ZNF43: variants seen among roughly 807,000 people sequenced by gnomAD.
ZNF43 encodes the protein zinc finger protein 43.
Under a neutral mutation model 68.4 loss-of-function variants are expected in ZNF43, and 44 were observed. That is an observed-to-expected ratio of 0.64 (90% CI 0.51 to 0.83). The LOEUF (loss-of-function observed/expected upper bound fraction) is 0.83. Among genes scored for constraint, ZNF43 ranks in the 40% least tolerant of loss-of-function variants. The pLI is 0.00. For missense variants in ZNF43, 896 were observed against 933.2 expected (o/e 0.96, Z 0.52); for synonymous variants, 308 against 307.8 (o/e 1.00, Z -0.01).
At chr19:21,842,401 C>G (rs1967604037) in intron 1 of ZNF43, among the ~76,000 whole-genome samples, 1 of 124,108 alleles carries the variant, frequency 8.1e-6, no homozygotes, top group South Asian at 2.4e-4. Flanking sequence ...AAGTGAGACT[C>G]CATCTCAAAA....
upstream of ZNF43, among the ~76,000 whole-genome samples, chr19:21,836,658 C>G (rs2038755492): frequency 6.6e-6 from 1 of 152,170 alleles, no homozygotes; most frequent in African/African-American, 2.4e-5. Flanking sequence ...GACTGCAGCT[C>G]ACTGCAGCCT....
intron 1 of ZNF43, among the ~76,000 whole-genome samples, chr19:21,832,371 A>G (rs1399410675): frequency 3.9e-5 from 6 of 152,132 alleles, no homozygotes; most frequent in Non-Finnish European, 8.8e-5. Context: ...CATATACAAA[A>G]ATCAACTCAA....
chr19:21,808,334 C>T lies in ZNF43; in HGVS notation c.1703G>A (p.Cys568Tyr), dbSNP rs1321771148. The change falls in exon 4 of 4, where the codon TGT becomes TAT. Residue 568 changes from cysteine to tyrosine, a missense_variant. By Grantham distance (194) the Cys-to-Tyr change is radical. Transcript: ENST00000354959. ...RIHTGEKPYKCEECGKAFTQS... is the reference protein window; with the variant it reads ...RIHTGEKPYKYEECGKAFTQS... The stretch of plus-strand genomic sequence containing the variant: ...GGTAAAAGCTTTGCCACATTCTTCA[C>T]ACTTGTAGGGTTTCTCTCCAGTATG... The T allele has an allele frequency of 1.2e-5, 20 of 1,613,142 alleles. No individual in the cohort carries two copies. The highest frequency in any genetic ancestry group is 1.6e-5 in the Non-Finnish European group (19 of 1,179,848).
Position 21,832,394 on chromosome 19 carries a change from T to C in ZNF43, c.3+3642A>G, listed in dbSNP as rs200418694. Among the ~76,000 whole-genome samples the C allele has an allele frequency of 2.4e-3, 365 of 152,246 alleles. 9 individuals are homozygous for C. In the East Asian group the frequency reaches 0.059, roughly 25 times the overall value. ...AAAATCAACTCAAAGTGAATTAAAG[T>C]CTTAAACTTAAAATGTAAAATTATT... On this transcript the variant is annotated intron_variant, in intron 1 of 3. Transcript: ENST00000354959.
chr19:21,848,483 A>G (rs1293880406), intron 1 of ZNF43, among the ~76,000 whole-genome samples: 1 of 152,166 alleles, frequency 6.6e-6, no homozygotes, highest in Non-Finnish European at 1.5e-5. Flanking sequence ...TTGTGCCATA[A>G]TATGGCACAA....
rs559230925 is a variant in ZNF43, at chr19:21,807,700, T to C, written c.2337A>G (p.Thr779=). Residue 779 remains threonine (T), a synonymous_variant, in exon 4 of 4, where the codon ACA becomes ACG. Coordinates refer to ENST00000354959, the MANE Select transcript of ZNF43 (RefSeq NM_003423.4). The part of the protein sequence containing the change: ...KAFNQYSNLT[T]HNKIHTGEKL... ...TCTCTCCAGTATGAATTTTGTTATG[T>C]GTAGTAAGGTTTGAATATTGGTTGA... 9.6e-5 allele frequency: 155 copies of C among 1,612,962 alleles called. No individual in the cohort carries two copies. In the Admixed American group the frequency reaches 2.3e-3, roughly 24 times the overall value.
At position 21,804,993 on chromosome 19, in the gene ZNF43, A is replaced by G. The variant is rs999564237; in HGVS notation, c.*2614T>C. ...ATGGACTTTATTTATACTTCTATAT[A>G]ATTTTTATAATTAAAATGACCCTGT... is the stretch of plus-strand genomic sequence containing the variant. On this transcript the variant is annotated 3_prime_UTR_variant, in exon 4 of 4. Transcript: ENST00000354959. 5.3e-5 allele frequency: 8 copies of G among 152,184 alleles called. No individual in the cohort carries two copies. The highest frequency in any genetic ancestry group is 1.9e-4 in the African/African-American group (8 of 41,446). 9.4% of individuals were successfully genotyped at this position (152,184 alleles called of 1,614,324 possible).
chr19:21,821,208 G>T (rs1381034738), intron 1 of ZNF43, among the ~76,000 whole-genome samples: 2 of 145,150 alleles, frequency 1.4e-5, no homozygotes, highest in East Asian at 2.1e-4. Context: ...GCGGTGGCGC[G>T]AATCTCCGCT....
intron 1 of ZNF43, chr19:21,827,013 A>G (rs2038165532): frequency 6.6e-6 from 1 of 152,538 alleles, no homozygotes; most frequent in Non-Finnish European, 1.5e-5. Flanking sequence ...AGAAAAAAAA[A>G]AAGAAGTTCA....
At chr19:21,820,943 C>T (rs1385223158) in intron 1 of ZNF43, among the ~76,000 whole-genome samples, 1 of 150,546 alleles carries the variant, frequency 6.6e-6, no homozygotes, top group Non-Finnish European at 1.5e-5. Context: ...AAGCAATTCT[C>T]CTGCCTCAGC....
At position 21,807,902 on chromosome 19, in the gene ZNF43, C is replaced by A; in HGVS notation, c.2135G>T (p.Gly712Val). The change falls in exon 4 of 4, where the codon GGC (glycine) becomes GTC (valine). Residue 712 changes from glycine to valine, a missense_variant. Transcript: ENST00000354959. ...GTTTGAGGATCGGTTAAAAGCTTTG[C>A]CACATTTTTCACATTTGTAGGGTTT... is the stretch of plus-strand genomic sequence containing the variant. ...GEKPYKCEKC[G>V]KAFNRSSNLI... 1 of 1,612,928 alleles carries A rather than the reference C, an allele frequency of 6.2e-7. No homozygotes were observed. Among genetic ancestry groups the A allele is most frequent in the Non-Finnish European group, 8.5e-7 (1 of 1,179,722 alleles).
At position 21,819,172 on chromosome 19, in the gene ZNF43, C is replaced by T. The variant is rs1568360345; in HGVS notation, c.53G>A (p.Trp18Ter). The T allele has an allele frequency of 6.2e-7, 1 of 1,608,522 alleles. No homozygotes were observed. Among genetic ancestry groups the T allele is most frequent in the East Asian group, 2.2e-5 (1 of 44,726 alleles). ...CTGCTGTGCAATGTCCAGGCATTGCCACTCCTCCAGACAGAATTCTATGGC... is the reference window on the plus strand; with the variant it reads ...CTGCTGTGCAATGTCCAGGCATTGCTACTCCTCCAGACAGAATTCTATGGC... ...DVAIEFCLEE[W>*]QCLDIAQQNL... Residue 18 changes from tryptophan to a stop codon, truncating the protein, a stop_gained, in exon 2 of 4, where the codon TGG (tryptophan) becomes TAG (stop). Transcript: ENST00000354959. LOFTEE classifies it high-confidence loss of function.
intron 3 of ZNF43, chr19:21,812,039 A>T: frequency 2.5e-6 from 1 of 398,622 alleles, no homozygotes; most frequent in Non-Finnish European, 4.4e-6. Context: ...AAAACATTCA[A>T]TAGAGAGACA....
upstream of ZNF43, chr19:21,836,194 C>T (rs2038725976): frequency 3.9e-6 from 6 of 1,519,368 alleles, no homozygotes; most frequent in Non-Finnish European, 4.4e-6. Flanking sequence ...AAGGCCCCGC[C>T]ACATCCCGGA....
intron 1 of ZNF43, among the ~76,000 whole-genome samples, chr19:21,822,925 T>C (rs1400183269): frequency 6.6e-6 from 1 of 152,240 alleles, no homozygotes; most frequent in Non-Finnish European, 1.5e-5. Flanking sequence ...TAATCTTTTT[T>C]AGCCGCTGCC....
At chr19:21,815,416 C>T (rs1185899057) in intron 3 of ZNF43, among the ~76,000 whole-genome samples, 1 of 149,584 alleles carries the variant, frequency 6.7e-6, no homozygotes, top group Admixed American at 6.7e-5. Flanking sequence ...TAAGTAGATG[C>T]TATACTTACA....
exon 1 of ZNF43, chr19:21,852,018 A>G: frequency 6.8e-7 from 1 of 1,464,712 alleles, no homozygotes; most frequent in Non-Finnish European, 9.2e-7. Flanking sequence ...GAGTTGGAGA[A>G]CGCGGAAAAG....
At chr19:21,824,981 A>G (rs1013297621) in intron 1 of ZNF43, among the ~76,000 whole-genome samples, 1 of 152,148 alleles carries the variant, frequency 6.6e-6, no homozygotes, top group Non-Finnish European at 1.5e-5. Context: ...CATGCCTGTA[A>G]TCCTAGAACT....
upstream of ZNF43, among the ~76,000 whole-genome samples, chr19:21,839,345 A>AAAAAAAAAAAAAAAG: frequency 6.6e-6 from 1 of 150,538 alleles, no homozygotes; most frequent in Non-Finnish European, 1.5e-5. Context: ...AAAAAAAAAA[A>AAAAAAAAAAAAAAAG]AAAAAAAAAA....
Sources: allele counts gnomAD v4.1 joint callset (sites outside exome capture counted in the v4.1 genomes callset), GRCh38; gene constraint gnomAD v4.1.1; transcripts MANE v1.5; gene names NCBI Gene and HGNC (gene_info 2026-07-23, HGNC 2026-07-21).